ACOXL: variants seen among roughly 807,000 people sequenced by gnomAD.
ACOXL encodes the protein acyl-coenzyme A oxidase-like protein.
A neutral mutation model predicts 71.9 loss-of-function variants in ACOXL; 70 were observed. The ratio of observed to expected loss-of-function variants is 0.97; its 90% CI spans 0.80 to 1.19. The LOEUF is 1.19. ACOXL is among the 50% of genes most tolerant of loss of function. The pLI, the probability that ACOXL is intolerant of heterozygous loss-of-function variation, is 0.00. For synonymous variants in ACOXL, 253 were observed against 281.6 expected (o/e 0.90, Z 1.02); for missense variants, 703 against 736.3 (o/e 0.95, Z 0.52).
At chr2:110,950,237 G>T (rs1474622438) in intron 12 of ACOXL, among the ~76,000 whole-genome samples, 1 of 151,960 alleles carries the variant, frequency 6.6e-6, no homozygotes, top group African/African-American at 2.4e-5. Flanking sequence ...GGAAAAAATC[G>T]CTCCCCAGTG....
chr2:111,011,154 AAGAT>A (rs749145322), intron 14 of ACOXL, among the ~76,000 whole-genome samples: 5 of 152,222 alleles, frequency 3.3e-5, no homozygotes, highest in East Asian at 1.9e-4. Flanking sequence ...AATAATGTAA[AAGAT>A]AGGTTGTAGT....
intron 15 of ACOXL, chr2:111,036,852 G>A (rs1182152098): frequency 6.6e-6 from 1 of 152,194 alleles, no homozygotes; most frequent in Non-Finnish European, 1.5e-5. Flanking sequence ...GTCGGAGGGA[G>A]GCGCCTGGTG....
At chr2:110,751,376 A>G (rs577403384) in intron 1 of ACOXL, among the ~76,000 whole-genome samples, 11 of 151,944 alleles carry the variant, frequency 7.2e-5, no homozygotes, top group African/African-American at 2.4e-4. Context: ...CTTTATATCC[A>G]CTACCTAGAT....
At chr2:111,063,770 C>T (rs2066926293) in intron 16 of ACOXL, among the ~76,000 whole-genome samples, 1 of 152,114 alleles carries the variant, frequency 6.6e-6, no homozygotes, top group African/African-American at 2.4e-5. Flanking sequence ...GGAGTTCTAG[C>T]CAGTGCAATA....
chr2:111,058,995 T>C (rs1211301699), intron 16 of ACOXL, among the ~76,000 whole-genome samples: 5 of 152,096 alleles, frequency 3.3e-5, no homozygotes, highest in African/African-American at 1.2e-4. Flanking sequence ...ATCCCAGCAC[T>C]TTGGGAGGCT....
rs1358798601 is a variant in ACOXL, at chr2:110,798,690, C to G, written c.426C>G (p.Val142=). The G allele has an allele frequency of 6.2e-7, 1 of 1,613,998 alleles. No individual in the cohort carries two copies. Among genetic ancestry groups the G allele is most frequent in the African/African-American group, 1.3e-5 (1 of 74,904 alleles). ...GNAMYGNYAA[V]FAQLIIDGRS... is the part of the protein sequence containing the mutation. The stretch of plus-strand genomic sequence containing the variant: ...CCATGTACGGGAATTATGCAGCTGT[C>G]TTTGCCCAGCTCATCATAGATGGAA... The change falls in exon 6 of 18, where the codon GTC becomes GTG. Residue 142 remains valine, a synonymous_variant. Transcript: ENST00000439055.
chr2:110,808,835 T>C lies in ACOXL; in HGVS notation c.753+3440T>C, dbSNP rs375291900. 5.9e-5 allele frequency among the ~76,000 whole-genome samples: 9 copies of C among 152,346 alleles called. No individual in the cohort carries two copies. In the South Asian group the frequency reaches 1.7e-3, roughly 28 times the overall value. ...TACAACTCATGAGTGTAGCAACTCA[T>C]GTGCAATAGGTGGGTTCTGTCTCCT... On this transcript the variant is annotated intron_variant, in intron 9 of 17. Coordinates refer to ENST00000439055, the MANE Select transcript of ACOXL (RefSeq NM_001142807.4).
At chr2:110,901,331 T>A (rs1343709154) in intron 10 of ACOXL, among the ~76,000 whole-genome samples, 1 of 152,218 alleles carries the variant, frequency 6.6e-6, no homozygotes, top group East Asian at 1.9e-4. Flanking sequence ...CTGCTCTGTA[T>A]GTAGACTATG....
At chr2:110,900,914 A>T (rs1221586777) in intron 10 of ACOXL, among the ~76,000 whole-genome samples, 1 of 152,208 alleles carries the variant, frequency 6.6e-6, no homozygotes, top group Admixed American at 6.5e-5. Flanking sequence ...ATACAGAGCC[A>T]GGGCTGCAGG....
intron 17 of ACOXL, chr2:111,100,017 C>T (rs2069035315): frequency 6.6e-6 from 1 of 152,190 alleles, no homozygotes; most frequent in Non-Finnish European, 1.5e-5. Context: ...GTTACAGTAG[C>T]CTTATTTTGT....
Position 110,799,015 on chromosome 2 carries a change from G to A in ACOXL, c.462G>A (p.Gly154=), listed in dbSNP as rs1413049674. 3.1e-6 allele frequency: 5 copies of A among 1,613,776 alleles called. No individual in the cohort carries two copies. Among genetic ancestry groups the A allele is most frequent in the Admixed American group, 1.7e-5 (1 of 59,978 alleles). The part of the protein sequence containing the change: ...AQLIIDGRSQ[G]PHCFIVPVRD... ...TAATGATCTCGATGCCTTCCTTAGG[G>A]CCCCACTGTTTCATCGTTCCTGTCC... The change falls in exon 7 of 18, where the codon GGG becomes GGA. Residue 154 remains glycine (G), a splice_region_variant and synonymous_variant. Transcript: ENST00000439055.
intron 10 of ACOXL, chr2:110,887,228 T>C (rs1404430823): frequency 5.1e-6 from 1 of 197,816 alleles, no homozygotes; most frequent in African/African-American, 2.3e-5. Flanking sequence ...ATCAAAATTC[T>C]TTTGTATAGG....
At position 110,768,513 on chromosome 2, in the gene ACOXL, T is replaced by TGTGTGTGTGTGTGTGA. The variant is rs397975396; in HGVS notation, c.75+50_75+51insTGTGTGTGTGTGTGAG. 1.2e-4 allele frequency: 107 copies of TGTGTGTGTGTGTGTGA among 929,812 alleles called. No homozygotes were observed. The African/African-American group carries it at 1.8e-3, about 15-fold the overall frequency. 57.6% of individuals were successfully genotyped at this position (929,812 alleles called of 1,614,324 possible). On this transcript the variant is annotated intron_variant, in intron 2 of 17. Coordinates refer to ENST00000439055, the MANE Select transcript of ACOXL (RefSeq NM_001142807.4). ...ATGGTTGTGTGTGTGTGTGTGTGTG[T>TGTGTGTGTGTGTGTGA]GAGAGAGAGAGAGAGAGAGAGAGAG...
At chr2:110,809,093 C>T (rs1277549407) in intron 9 of ACOXL, among the ~76,000 whole-genome samples, 2 of 152,236 alleles carry the variant, frequency 1.3e-5, no homozygotes, top group African/African-American at 4.8e-5. Context: ...CCCCCACTGC[C>T]GGGTCCATGT....
At chr2:111,003,505 T>G (rs1452957831) in intron 14 of ACOXL, among the ~76,000 whole-genome samples, 1 of 122,464 alleles carries the variant, frequency 8.2e-6, no homozygotes, top group African/African-American at 3.2e-5. Flanking sequence ...GAACCGAGAT[T>G]GCACCACTGC....
At chr2:110,762,806 C>G (rs1680572371) in intron 1 of ACOXL, among the ~76,000 whole-genome samples, 1 of 152,092 alleles carries the variant, frequency 6.6e-6, no homozygotes, top group Admixed American at 6.6e-5. Flanking sequence ...CACATGCACA[C>G]AACCACATCC....
At chr2:110,755,702 A>C (rs1679583130) in intron 1 of ACOXL, among the ~76,000 whole-genome samples, 1 of 152,198 alleles carries the variant, frequency 6.6e-6, no homozygotes, top group Non-Finnish European at 1.5e-5. Flanking sequence ...TGAGGAACAT[A>C]CTCCATCTAG....
chr2:110,997,546 G>A (rs1157084), intron 14 of ACOXL, among the ~76,000 whole-genome samples: 136,716 of 152,220 alleles, frequency 0.9, 61,659 homozygotes, highest in African/African-American at 0.97. Flanking sequence ...TTCCAAGCCA[G>A]ATTTAATCCC....
At chr2:110,746,964 A>G (rs1431991245) in intron 1 of ACOXL, among the ~76,000 whole-genome samples, 1 of 152,140 alleles carries the variant, frequency 6.6e-6, no homozygotes, top group Non-Finnish European at 1.5e-5. Flanking sequence ...AAGAGCCCTG[A>G]GCTAACTAGG....
Sources: allele counts gnomAD v4.1 joint callset (sites outside exome capture counted in the v4.1 genomes callset), GRCh38; gene constraint gnomAD v4.1.1; transcripts MANE v1.5; gene names NCBI Gene and HGNC (gene_info 2026-07-23, HGNC 2026-07-21).